The following NLRP12 variants were observed in gnomAD, a reference collection of about 807,000 sequenced individuals.
NLRP12 encodes NACHT, LRR and PYD domains-containing protein 12.
A neutral mutation model predicts 91.2 loss-of-function variants in NLRP12; 108 were observed. The observed-to-expected ratio is 1.18, with a 90% CI of 1.01 to 1.39. NLRP12 has a LOEUF of 1.39. Among genes scored for constraint, NLRP12 ranks in the 40% most tolerant of loss-of-function variants. The pLI is 0.00. For synonymous variants in NLRP12, 613 were observed against 566.7 expected, an observed-to-expected ratio of 1.08 and a Z score of -1.16; for missense variants, 1,530 against 1,352.7, an observed-to-expected ratio of 1.13 and a Z score of -2.06.
Position 53,811,350 on chromosome 19 carries a change from G to A in NLRP12, c.371-62C>T. The A allele has an allele frequency of 2.5e-6, 4 of 1,584,302 alleles. No homozygotes were observed. The East Asian group carries it at 9.0e-5, about 36-fold the overall frequency. ...TCAGCAGCCTCTAATGAGTTCACGA[G>A]GTAAAGCGCTCCTCATGTGGCTCAA... On this transcript the variant is annotated intron_variant, in intron 2 of 9. Coordinates refer to ENST00000324134, the MANE Select transcript of NLRP12 (RefSeq NM_144687.4).
chr19:53,822,580 T>A (rs951689562), intron 1 of NLRP12, among the ~76,000 whole-genome samples: 1 of 151,350 alleles, frequency 6.6e-6, no homozygotes, highest in Non-Finnish European at 1.5e-5. Context: ...AAAATACAAA[T>A]ACAAAAAATT....
At chr19:53,815,731 CCTGAGTAGCT>C (rs2092148607) in intron 1 of NLRP12, among the ~76,000 whole-genome samples, 1 of 152,066 alleles carries the variant, frequency 6.6e-6, no homozygotes. Context: ...GCCTCAGCCT[CCTGAGTAGCT>C]GGGACTACAG....
Position 53,810,882 on chromosome 19 carries a change from G to C in NLRP12, c.777C>G (p.Ala259=), listed in dbSNP as rs201099539. ...TGAGGTCTTGCATGCTGCATTCCGTGGCACTCTGGTTCATCTCCCTGCAGT... is the reference window on the plus strand; with the variant it reads ...TGAGGTCTTGCATGCTGCATTCCGTCGCACTCTGGTTCATCTCCCTGCAGT... ...YINCREMNQS[A]TECSMQDLIF... The change falls in exon 3 of 10, where the codon GCC becomes GCG. Residue 259 remains alanine, a synonymous_variant. Coordinates refer to ENST00000324134, the MANE Select transcript of NLRP12 (RefSeq NM_144687.4). 1.9e-5 allele frequency: 31 copies of C among 1,614,006 alleles called. No individual in the cohort carries two copies. Among genetic ancestry groups the C allele is most frequent in the Middle Eastern group, 1.6e-4 (1 of 6,084 alleles).
Position 53,793,939 on chromosome 19 carries a change from G to T in NLRP12, c.*110C>A. The stretch of plus-strand genomic sequence containing the variant: ...GCAGAGGGACTTTTGATCTCAATCT[G>T]CATGAGTCTGTCTCTAGGAAGGAGG... On this transcript the variant is annotated 3_prime_UTR_variant, in exon 10 of 10. Coordinates refer to ENST00000324134, the MANE Select transcript of NLRP12 (RefSeq NM_144687.4). 3.6e-6 allele frequency: 3 copies of T among 822,930 alleles called. No homozygotes were observed. The highest frequency in any genetic ancestry group is 4.9e-5 in the East Asian group (2 of 41,016). The allele number at this position is 822,930 out of a possible 1,614,324, so 51.0% of individuals were successfully genotyped here.
At position 53,823,969 on chromosome 19, in the gene NLRP12, G is replaced by A. The variant is rs372898890; in HGVS notation, c.206C>T (p.Ala69Val). 1.4e-5 allele frequency: 23 copies of A among 1,613,998 alleles called. No individual in the cohort carries two copies. Among genetic ancestry groups the A allele is most frequent in the Non-Finnish European group, 1.9e-5 (23 of 1,180,042 alleles). The change falls in exon 1 of 10, where the codon GCC becomes GTC. Residue 69 changes from alanine to valine, a missense_variant. Physicochemically the swap from Ala to Val is moderately conservative, Grantham distance 64. Coordinates refer to ENST00000324134, the MANE Select transcript of NLRP12 (RefSeq NM_144687.4). ...AAAGGTGCTGAGAGCCAACCTCCAG[G>A]CCTCCTCTGGCCCGAAGTGGGTGAT... is the stretch of plus-strand genomic sequence containing the variant. ...LLITHFGPEE[A>V]WRLALSTFER...
intron 1 of NLRP12, among the ~76,000 whole-genome samples, chr19:53,821,035 T>TTC (rs1211240466): frequency 8.4e-6 from 1 of 118,374 alleles, no homozygotes; most frequent in African/African-American, 3.5e-5. Flanking sequence ...TTTTTTCTTT[T>TTC]TTTTTTTTTT....
rs2091867655 is a variant in NLRP12, at chr19:53,801,351, A to G, written c.2632T>C (p.Ser878Pro). The change falls in exon 7 of 10, where the codon TCA (serine) becomes CCA (proline). Residue 878 changes from serine to proline, a missense_variant. Coordinates refer to ENST00000324134, the MANE Select transcript of NLRP12 (RefSeq NM_144687.4). ...AGGCTCTGGTTCACACTGAGAGTTG[A>G]GGCCAGCTCGTCACAGGCAGCAGCA... ...LTAAACDELASTLSVNQSLRE... is the reference protein window; with the variant it reads ...LTAAACDELAPTLSVNQSLRE... The G allele has an allele frequency of 6.2e-7, 1 of 1,613,396 alleles. No homozygotes were observed. Among genetic ancestry groups the G allele is most frequent in the East Asian group, 2.2e-5 (1 of 44,808 alleles).
rs2092023569 is a variant in NLRP12, at chr19:53,809,591, G to A, written c.2068C>T (p.Gln690Ter). The A allele has an allele frequency of 3.7e-6, 6 of 1,608,310 alleles. No homozygotes were observed. The Admixed American group carries it at 6.7e-5, about 18-fold the overall frequency. Residue 690 changes from glutamine to a stop codon, truncating the protein, a stop_gained, in exon 3 of 10, where the codon CAG (glutamine) becomes TAG (stop). Coordinates refer to ENST00000324134, the MANE Select transcript of NLRP12 (RefSeq NM_144687.4). LOFTEE classifies it high-confidence loss of function. ...CSAGAHTLLVQLPERTVLLDA... is the reference protein window; with the variant it reads ...CSAGAHTLLV ...GGATACCCCAGGGATACTTACAGCT[G>A]CACCAACAGCGTGTGCGCTCCTGCG...
intron 5 of NLRP12, among the ~76,000 whole-genome samples, chr19:53,804,409 T>G (rs1036354907): frequency 4.1e-5 from 6 of 148,060 alleles, no homozygotes; most frequent in South Asian, 2.1e-4. Context: ...TTGTTTTTTT[T>G]TTTTTTTGAG....
At position 53,810,753 on chromosome 19, in the gene NLRP12, AGAAGGCTTGAGCTCATC is replaced by A. The variant is rs749694960; in HGVS notation, c.889_905del (p.Asp297PhefsTer23). 39 of 1,613,962 alleles carry A rather than the reference AGAAGGCTTGAGCTCATC, an allele frequency of 2.4e-5. No individual in the cohort carries two copies. The highest frequency in any genetic ancestry group is 3.2e-5 in the Non-Finnish European group (38 of 1,180,038). On this transcript the variant is annotated frameshift_variant, in exon 3 of 10. Coordinates refer to ENST00000324134, the MANE Select transcript of NLRP12 (RefSeq NM_144687.4). LOFTEE classifies it high-confidence loss of function. ...ACCAGGGTCCCTGAGGATCGTGGAA[AGAAGGCTTGAGCTCATC>A]GAAGCCGTCGATGATGAAAAGGAGG...
At chr19:53,796,312 CAT>C (rs2091758907) in intron 8 of NLRP12, among the ~76,000 whole-genome samples, 1 of 151,866 alleles carries the variant, frequency 6.6e-6, no homozygotes, top group South Asian at 2.1e-4. Flanking sequence ...AGTGCTGTGG[CAT>C]GATCTCGGCT....
At chr19:53,796,093 G>T in intron 8 of NLRP12, 64 bp from the exon 9 acceptor site, 2 of 1,449,394 alleles carry the variant, frequency 1.4e-6, no homozygotes, top group Non-Finnish European at 1.9e-6. Context: ...CGGAGGCAGT[G>T]TCTCACCCTG....
chr19:53,807,383 A>G lies in NLRP12; in HGVS notation c.2243+112T>C, dbSNP rs139745424. On this transcript the variant is annotated intron_variant, in intron 4 of 9. Transcript: ENST00000324134. ...GCACCTGGCTTTGTGACACTTTTTT[A>G]TGGCAGCCGTAGCCAACGAATACAC... is the stretch of plus-strand genomic sequence containing the variant. The G allele has an allele frequency of 2.3e-4, 252 of 1,096,956 alleles. 1 individual carries two copies. The African/African-American group carries it at 3.7e-3, about 16-fold the overall frequency. The allele number at this position is 1,096,956 out of a possible 1,614,324, so 68.0% of individuals were successfully genotyped here. A position where few individuals can be genotyped will look rare whatever the true frequency, so the allele number is the denominator to read the frequency against.
At position 53,807,186 on chromosome 19, in the gene NLRP12, G is replaced by C. The variant is rs1039887467; in HGVS notation, c.2243+309C>G. 1.5e-4 allele frequency among the ~76,000 whole-genome samples: 23 copies of C among 152,028 alleles called. 1 individual carries two copies. The highest frequency in any genetic ancestry group is 1.2e-3 in the Admixed American group (19 of 15,250). ...AGGTTCAAGCGATTCTCCTGCCTCA[G>C]CCTCCCAAGCAGCTGGGATTACAGG... On this transcript the variant is annotated intron_variant, in intron 4 of 9. Coordinates refer to ENST00000324134, the MANE Select transcript of NLRP12 (RefSeq NM_144687.4).
chr19:53,819,645 A>ATATATG, intron 1 of NLRP12, among the ~76,000 whole-genome samples: 1 of 127,144 alleles, frequency 7.9e-6, no homozygotes, highest in Admixed American at 8.2e-5. Context: ...ATGTATGTAT[A>ATATATG]CGTATATATA....
At position 53,809,934 on chromosome 19, in the gene NLRP12, C is replaced by T. The variant is rs112779811; in HGVS notation, c.1725G>A (p.Leu575=). ...GLLNEETRSH[L]EKSLCWKVSP... ...AGACCTTCCAGCAGAGACTCTTCTC[C>T]AGGTGGCTCCTGGTCTCCTCGTTCA... is the stretch of plus-strand genomic sequence containing the variant. The change falls in exon 3 of 10, where the codon CTG becomes CTA. Residue 575 remains leucine (L), a synonymous_variant. Transcript: ENST00000324134. The T allele has an allele frequency of 1.8e-5, 29 of 1,614,120 alleles. No individual in the cohort carries two copies. In the African/African-American group the frequency reaches 1.9e-4, roughly 10 times the overall value.
chr19:53,804,190 A>G (rs2091918851), intron 5 of NLRP12, 68 bp from the exon 6 acceptor site: 1 of 1,534,762 alleles, frequency 6.5e-7, no homozygotes, highest in Non-Finnish European at 9.0e-7. Context: ...CTCATGCTCC[A>G]GCCTGTTATT....
rs372660692 is a variant in NLRP12, at chr19:53,811,266, G to C, written c.393C>G (p.Asp131Glu). The C allele has an allele frequency of 1.5e-5, 25 of 1,613,872 alleles. No individual in the cohort carries two copies. The highest frequency in any genetic ancestry group is 3.4e-6 in the Non-Finnish European group (4 of 1,180,040). The change falls in exon 3 of 10, where the codon GAC becomes GAG. Residue 131 changes from aspartate (D) to glutamate (E), a missense_variant. Physicochemically the swap from Asp to Glu is conservative, Grantham distance 45. Transcript: ENST00000324134. The stretch of plus-strand genomic sequence containing the variant: ...TGAGCCGGAATTTCCTGCGGACATA[G>C]TCCCTGTAGGTTTCCTGGGGATCTA... ...PRKDPQETYR[D>E]YVRRKFRLME...
Position 53,824,004 on chromosome 19 carries a change from G to T in NLRP12, c.171C>A (p.Ala57=). ...SMEKAGPLEM[A]QLLITHFGPE... The stretch of plus-strand genomic sequence containing the variant: ...GCCCGAAGTGGGTGATGAGCAGCTG[G>T]GCCATTTCCAGGGGACCGGCCTTCT... The change falls in exon 1 of 10, where the codon GCC becomes GCA. Residue 57 remains alanine (A), a synonymous_variant. Coordinates refer to ENST00000324134, the MANE Select transcript of NLRP12 (RefSeq NM_144687.4). 1 of 1,614,160 alleles carries T rather than the reference G, an allele frequency of 6.2e-7. No individual in the cohort carries two copies. The highest frequency in any genetic ancestry group is 8.5e-7 in the Non-Finnish European group (1 of 1,180,036).
Sources: gnomAD v4.1 joint callset for allele counts (sites outside exome capture counted in the v4.1 genomes callset) on GRCh38, gnomAD v4.1.1 for gene constraint, MANE v1.5 for transcripts, NCBI Gene and HGNC (gene_info 2026-07-23, HGNC 2026-07-21) for gene names.